ARHGAP15: variants seen among roughly 807,000 people sequenced by gnomAD.
ARHGAP15 encodes Rho GTPase activating protein 15.
ARHGAP15 carries 51 observed loss-of-function variants against 63.7 expected under a neutral mutation model. The observed-to-expected ratio is 0.80, with a 90% CI of 0.64 to 1.01. The LOEUF is 1.01. Ranked by LOEUF, ARHGAP15 falls within the 50% of genes least tolerant of loss-of-function variation. The pLI is 0.00. For synonymous variants in ARHGAP15, 191 were observed against 193.8 expected (o/e 0.99, Z 0.12); for missense variants, 560 against 564.6 (o/e 0.99, Z 0.08).
chr2:143,282,586 C>T (rs1681906760), intron 6 of ARHGAP15, among the ~76,000 whole-genome samples: 1 of 151,554 alleles, frequency 6.6e-6, no homozygotes, highest in Admixed American at 6.6e-5. Flanking sequence ...CACTGTTTCC[C>T]CACCAACAAC....
At chr2:143,725,861 A>T (rs1685249289) in intron 13 of ARHGAP15, among the ~76,000 whole-genome samples, 1 of 152,194 alleles carries the variant, frequency 6.6e-6, no homozygotes, top group Admixed American at 6.5e-5. Context: ...GGACCAAATG[A>T]TTTTTCCCCC....
At chr2:143,536,095 T>A (rs1694743390) in intron 10 of ARHGAP15, among the ~76,000 whole-genome samples, 1 of 152,224 alleles carries the variant, frequency 6.6e-6, no homozygotes, top group South Asian at 2.1e-4. Context: ...GGAATATATG[T>A]CATCATTAAC....
chr2:143,413,616 G>A (rs1688537217), intron 6 of ARHGAP15, among the ~76,000 whole-genome samples: 1 of 152,126 alleles, frequency 6.6e-6, no homozygotes, highest in Admixed American at 6.5e-5. Flanking sequence ...GACTACAGCT[G>A]TAAGCCACCA....
chr2:143,178,409 CAGTTTT>C (rs1455632439), intron 2 of ARHGAP15, among the ~76,000 whole-genome samples: 3 of 152,076 alleles, frequency 2.0e-5, no homozygotes, highest in Non-Finnish European at 4.4e-5. Context: ...GAGAAGTTAT[CAGTTTT>C]AAAGAACTCA....
intron 6 of ARHGAP15, among the ~76,000 whole-genome samples, chr2:143,372,351 A>T (rs1451459766): frequency 1.9e-4 from 4 of 21,122 alleles, no homozygotes; most frequent in African/African-American, 1.1e-3. Flanking sequence ...AGTCGATTTA[A>T]AAAAAAAAAA....
intron 11 of ARHGAP15, among the ~76,000 whole-genome samples, chr2:143,622,004 GTGTGTGTGTGTGTGTT>G (rs1698662851): frequency 6.6e-6 from 1 of 152,036 alleles, no homozygotes; most frequent in Admixed American, 6.6e-5. Flanking sequence ...AGATAGTTGT[GTGTGTGTGTGTGTGTT>G]TGTGTGTGTG....
intron 6 of ARHGAP15, among the ~76,000 whole-genome samples, chr2:143,329,042 T>A (rs1684386746): frequency 6.6e-6 from 1 of 152,202 alleles, no homozygotes; most frequent in South Asian, 2.1e-4. Flanking sequence ...TTCTCTAATG[T>A]TCTCCTTGAT....
At chr2:143,513,890 C>T (rs1419893442) in intron 9 of ARHGAP15, among the ~76,000 whole-genome samples, 1 of 152,182 alleles carries the variant, frequency 6.6e-6, no homozygotes. Flanking sequence ...CCCCCAAGAG[C>T]CTAATGCTCT....
chr2:143,726,662 C>T (rs889952574), intron 13 of ARHGAP15, among the ~76,000 whole-genome samples: 2 of 152,166 alleles, frequency 1.3e-5, no homozygotes, highest in Non-Finnish European at 2.9e-5. Context: ...TTCCCTGTGA[C>T]GGCTAGAACA....
intron 2 of ARHGAP15, among the ~76,000 whole-genome samples, chr2:143,174,417 C>G (rs981191843): frequency 2.6e-5 from 4 of 152,054 alleles, no homozygotes; most frequent in Admixed American, 1.3e-4. Context: ...AATTGGCAAA[C>G]ACTAACTGAG....
intron 6 of ARHGAP15, among the ~76,000 whole-genome samples, chr2:143,291,679 T>C (rs894487420): frequency 1.3e-5 from 2 of 152,118 alleles, no homozygotes; most frequent in Admixed American, 1.3e-4. Flanking sequence ...TAAAACCTGG[T>C]AAGACTAGCA....
At chr2:143,209,966 C>T (rs1301053084) in intron 3 of ARHGAP15, among the ~76,000 whole-genome samples, 1 of 152,100 alleles carries the variant, frequency 6.6e-6, no homozygotes, top group Non-Finnish European at 1.5e-5. Flanking sequence ...AAAAAGAACA[C>T]ACAGAACAGC....
chr2:143,624,120 C>T lies in ARHGAP15; in HGVS notation c.1004-13C>T, dbSNP rs757776461. ...TAAAACCAGTTGTTCCATTTCTCCTCGTGTTTTCCCAGAAGAGAAGCTGAA... is the reference window on the plus strand; with the variant it reads ...TAAAACCAGTTGTTCCATTTCTCCTTGTGTTTTCCCAGAAGAGAAGCTGAA... On this transcript the variant is annotated splice_polypyrimidine_tract_variant and intron_variant, in intron 11 of 13. Transcript: ENST00000295095. 13 of 1,611,686 alleles carry T rather than the reference C, an allele frequency of 8.1e-6. No homozygotes were observed. Among genetic ancestry groups the T allele is most frequent in the Non-Finnish European group, 6.8e-6 (8 of 1,178,480 alleles).
intron 13 of ARHGAP15, among the ~76,000 whole-genome samples, chr2:143,744,015 T>C (rs1686065737): frequency 6.6e-6 from 1 of 152,250 alleles, no homozygotes; most frequent in Admixed American, 6.5e-5. Flanking sequence ...ATACCCTGTG[T>C]ACATAAATTA....
chr2:143,474,820 T>C (rs1379298249), intron 8 of ARHGAP15, among the ~76,000 whole-genome samples: 1 of 152,246 alleles, frequency 6.6e-6, no homozygotes. Context: ...TGGGGTTATC[T>C]GACGGTCAAC....
intron 6 of ARHGAP15, among the ~76,000 whole-genome samples, chr2:143,431,884 G>T (rs565302678): frequency 1.3e-5 from 2 of 151,898 alleles, no homozygotes; most frequent in African/African-American, 4.8e-5. Context: ...CAATCAGAAG[G>T]GTGGGGCTCT....
intron 6 of ARHGAP15, among the ~76,000 whole-genome samples, chr2:143,415,466 A>T (rs1688634264): frequency 6.6e-6 from 1 of 152,218 alleles, no homozygotes; most frequent in African/African-American, 2.4e-5. Flanking sequence ...AACTAAAAAA[A>T]ATTTAAAGGC....
chr2:143,731,818 T>A (rs923069507), intron 13 of ARHGAP15, among the ~76,000 whole-genome samples: 1 of 152,112 alleles, frequency 6.6e-6, no homozygotes, highest in Non-Finnish European at 1.5e-5. Flanking sequence ...TGCTGAAAAA[T>A]TTTAAATACA....
intron 5 of ARHGAP15, among the ~76,000 whole-genome samples, chr2:143,231,441 T>G (rs528733880): frequency 6.6e-6 from 1 of 152,320 alleles, no homozygotes; most frequent in South Asian, 2.1e-4. Flanking sequence ...AAATGCTGTC[T>G]CAGAGCAATG....
Sources: gnomAD v4.1 joint callset for allele counts (sites outside exome capture counted in the v4.1 genomes callset) on GRCh38, gnomAD v4.1.1 for gene constraint, MANE v1.5 for transcripts, NCBI Gene and HGNC (gene_info 2026-07-23, HGNC 2026-07-21) for gene names.